Variants in SEMA3E observed in about 807,000 individuals in gnomAD.
SEMA3E encodes semaphorin-3E.
Under a neutral mutation model 93.6 loss-of-function variants are expected in SEMA3E, and 49 were observed. The ratio of observed to expected loss-of-function variants is 0.52; its 90% CI spans 0.42 to 0.66. The LOEUF is 0.66. SEMA3E is among the 30% of genes least tolerant of loss of function. The pLI is 0.00. For synonymous variants in SEMA3E, 363 were observed against 330.7 expected (o/e 1.10, Z -1.06); for missense variants, 906 against 964.8 (o/e 0.94, Z 0.81).
intron 1 of SEMA3E, among the ~76,000 whole-genome samples, chr7:83,587,789 T>C (rs1313610798): frequency 6.6e-6 from 1 of 151,910 alleles, no homozygotes; most frequent in Non-Finnish European, 1.5e-5. Context: ...ATGAAAGGAA[T>C]GAAGATGAAT....
At chr7:83,487,933 G>A (rs992509027) in intron 2 of SEMA3E, among the ~76,000 whole-genome samples, 26 of 152,090 alleles carry the variant, frequency 1.7e-4, no homozygotes, top group African/African-American at 6.0e-4. Context: ...AAACTGGAGT[G>A]TAGATGCCAA....
chr7:83,574,584 T>A (rs1792361911), intron 1 of SEMA3E, among the ~76,000 whole-genome samples: 1 of 152,164 alleles, frequency 6.6e-6, no homozygotes, highest in African/African-American at 2.4e-5. Context: ...AGCCATGTGA[T>A]TTTCTTTGCT....
At chr7:83,523,656 C>A (rs1416709734) in intron 1 of SEMA3E, among the ~76,000 whole-genome samples, 2 of 151,978 alleles carry the variant, frequency 1.3e-5, no homozygotes, top group African/African-American at 4.8e-5. Flanking sequence ...GGCCAATCAC[C>A]CTGTCTCCTT....
At chr7:83,490,400 T>G in intron 1 of SEMA3E, 126 bp from the exon 2 acceptor site, 1 of 891,032 alleles carries the variant, frequency 1.1e-6, no homozygotes, top group Non-Finnish European at 1.8e-6. Flanking sequence ...TTATCATACA[T>G]ATACTGGCAA....
At chr7:83,521,682 G>T (rs538054702) in intron 1 of SEMA3E, among the ~76,000 whole-genome samples, 1 of 152,038 alleles carries the variant, frequency 6.6e-6, no homozygotes, top group African/African-American at 2.4e-5. Context: ...TTCCCGGCTT[G>T]AATATGGCTG....
intron 2 of SEMA3E, among the ~76,000 whole-genome samples, chr7:83,484,513 C>G (rs762193117): frequency 6.6e-6 from 1 of 152,138 alleles, no homozygotes; most frequent in Non-Finnish European, 1.5e-5. Context: ...GAGGTACATG[C>G]TCTGATGTTA....
chr7:83,562,040 A>C (rs954813012), intron 1 of SEMA3E, among the ~76,000 whole-genome samples: 1 of 152,178 alleles, frequency 6.6e-6, no homozygotes. Context: ...GTAAAATACA[A>C]TGCCAAAAGA....
At chr7:83,376,997 G>A (rs1787656587) in intron 16 of SEMA3E, among the ~76,000 whole-genome samples, 1 of 151,862 alleles carries the variant, frequency 6.6e-6, no homozygotes, top group Non-Finnish European at 1.5e-5. Flanking sequence ...CCCAAAATAG[G>A]CATAGATGAT....
At chr7:83,540,046 G>A (rs1791488575) in intron 1 of SEMA3E, among the ~76,000 whole-genome samples, 1 of 151,938 alleles carries the variant, frequency 6.6e-6, no homozygotes, top group African/African-American at 2.4e-5. Context: ...ACTATGCCTG[G>A]GTAATTTTTG....
chr7:83,508,727 A>G (rs6972130), intron 1 of SEMA3E, among the ~76,000 whole-genome samples: 2,787 of 152,268 alleles, frequency 0.018, 80 homozygotes, highest in African/African-American at 0.064. Context: ...TCTATGGGGA[A>G]TTTAGGTTGT....
rs60405752 is a variant in SEMA3E, at chr7:83,443,916, G to GATATAT, written c.456+22560_456+22565dup. On this transcript the variant is annotated intron_variant, in intron 4 of 16. Coordinates refer to ENST00000643230, the MANE Select transcript of SEMA3E (RefSeq NM_012431.3). ...ATAACGTTAAGTAAAATAATGACCT[G>GATATAT]ATATATATATATATATATATATATG... 4.9e-3 allele frequency among the ~76,000 whole-genome samples: 716 copies of GATATAT among 147,428 alleles called. 3 individuals are homozygous for GATATAT. Among genetic ancestry groups the GATATAT allele is most frequent in the African/African-American group, 0.016 (660 of 40,582 alleles).
At chr7:83,474,906 T>C (rs28713333) in intron 2 of SEMA3E, among the ~76,000 whole-genome samples, 3,281 of 152,204 alleles carry the variant, frequency 0.022, 40 homozygotes, top group South Asian at 0.038. Flanking sequence ...TTGGGAATTA[T>C]TATTTTACTG....
At chr7:83,377,988 T>C (rs1335218773) in intron 16 of SEMA3E, among the ~76,000 whole-genome samples, 1 of 151,922 alleles carries the variant, frequency 6.6e-6, no homozygotes, top group African/African-American at 2.4e-5. Context: ...AATTCAAGTA[T>C]GTGGAATTGC....
At position 83,459,902 on chromosome 7, in the gene SEMA3E, C is replaced by CT. The variant is rs1789574158; in HGVS notation, c.456+6579dup. Among the ~76,000 whole-genome samples, 7 of 152,278 alleles carry CT rather than the reference C, an allele frequency of 4.6e-5. No individual in the cohort carries two copies. The South Asian group carries it at 1.5e-3, about 32-fold the overall frequency. On this transcript the variant is annotated intron_variant, in intron 4 of 16. Coordinates refer to ENST00000643230, the MANE Select transcript of SEMA3E (RefSeq NM_012431.3). ...CATCCTGGCTCAAAAAGCACCCCTACTGAGCACCTTGCGACCCCCACTCCT... is the reference window on the plus strand; with the variant it reads ...CATCCTGGCTCAAAAAGCACCCCTACTTGAGCACCTTGCGACCCCCACTCCT...
At chr7:83,472,409 T>C (rs1050212702) in intron 2 of SEMA3E, among the ~76,000 whole-genome samples, 4 of 125,506 alleles carry the variant, frequency 3.2e-5, no homozygotes, top group African/African-American at 7.6e-5. Flanking sequence ...AACAAAGGAA[T>C]ATGATCCATT....
At chr7:83,476,206 G>A (rs1790005194) in intron 2 of SEMA3E, among the ~76,000 whole-genome samples, 1 of 152,146 alleles carries the variant, frequency 6.6e-6, no homozygotes, top group South Asian at 2.1e-4. Flanking sequence ...CACATTCTTA[G>A]TGAAGTCAGT....
chr7:83,622,587 C>A lies in SEMA3E; in HGVS notation c.115+25841G>T, dbSNP rs150896488. On this transcript the variant is annotated intron_variant, in intron 1 of 16. Transcript: ENST00000643230. ...AAAGACATGGAATCAACCCAAATGCCCATCAACGATAGACTGGATAAAGAA... is the reference window on the plus strand; with the variant it reads ...AAAGACATGGAATCAACCCAAATGCACATCAACGATAGACTGGATAAAGAA... 3.7e-3 allele frequency among the ~76,000 whole-genome samples: 561 copies of A among 152,226 alleles called. 4 individuals are homozygous for A. The highest frequency in any genetic ancestry group is 0.013 in the African/African-American group (525 of 41,520).
intron 4 of SEMA3E, among the ~76,000 whole-genome samples, chr7:83,452,127 ATGTATG>A (rs1438269699): frequency 1.1e-5 from 1 of 93,044 alleles, no homozygotes; most frequent in Admixed American, 1.4e-4. Context: ...GTGTATGTGT[ATGTATG>A]TGTGTGTGTG....
chr7:83,380,611 G>T (rs748476347), intron 16 of SEMA3E, among the ~76,000 whole-genome samples: 24 of 151,838 alleles, frequency 1.6e-4, no homozygotes, highest in Non-Finnish European at 3.1e-4. Context: ...TTTCCCAGTT[G>T]GTTATTATGC....
Sources: gnomAD v4.1 joint callset for allele counts (sites outside exome capture counted in the v4.1 genomes callset) on GRCh38, gnomAD v4.1.1 for gene constraint, MANE v1.5 for transcripts, NCBI Gene and HGNC (gene_info 2026-07-23, HGNC 2026-07-21) for gene names.